ADAMTSL1: variants seen among roughly 807,000 people sequenced by gnomAD.
The protein encoded by ADAMTSL1 is ADAMTS like 1, also known as ADAMTS-like protein 1.
In ADAMTSL1, 126 loss-of-function variants were observed where a neutral mutation model predicts 201.8. The ratio of observed to expected loss-of-function variants is 0.62; its 90% CI spans 0.54 to 0.72. The LOEUF (loss-of-function observed/expected upper bound fraction) is 0.72, where lower values mean the gene tolerates loss of function less well. Ranked by LOEUF, ADAMTSL1 falls within the 30% of genes least tolerant of loss-of-function variation. ADAMTSL1 has a pLI of 0.00. For missense variants in ADAMTSL1, 2,679 were observed against 2,277.8 expected (o/e 1.18, Z -3.59); for synonymous variants, 1,121 against 903.4 (o/e 1.24, Z -4.32).
At chr9:18,839,303 A>G (rs1188604440) in intron 23 of ADAMTSL1, among the ~76,000 whole-genome samples, 3 of 150,780 alleles carry the variant, frequency 2.0e-5, no homozygotes, top group Non-Finnish European at 4.4e-5. Flanking sequence ...TTGTCTTTAC[A>G]ATAGTTTACT....
At chr9:18,854,009 G>A (rs1826687608) in intron 23 of ADAMTSL1, among the ~76,000 whole-genome samples, 1 of 152,008 alleles carries the variant, frequency 6.6e-6, no homozygotes, top group Admixed American at 6.6e-5. Context: ...GGAGGTGGGG[G>A]GGTTGTAATC....
intron 2 of ADAMTSL1, among the ~76,000 whole-genome samples, chr9:18,411,046 T>C (rs1290776295): frequency 3.3e-5 from 5 of 151,156 alleles, no homozygotes; most frequent in African/African-American, 1.2e-4. Flanking sequence ...TGTATTTTAA[T>C]AGAAATGGCG....
intron 2 of ADAMTSL1, among the ~76,000 whole-genome samples, chr9:18,431,734 C>T (rs1819500798): frequency 6.6e-6 from 1 of 152,124 alleles, no homozygotes; most frequent in African/African-American, 2.4e-5. Context: ...CAGCCCCATT[C>T]TCCTAACTTT....
At chr9:18,020,190 G>T (rs1195958017) in intron 1 of ADAMTSL1, among the ~76,000 whole-genome samples, 1 of 152,026 alleles carries the variant, frequency 6.6e-6, no homozygotes, top group Non-Finnish European at 1.5e-5. Flanking sequence ...ATGTGTGAAG[G>T]ATGTGAATCA....
chr9:18,337,476 G>C (rs1437180207), intron 2 of ADAMTSL1, among the ~76,000 whole-genome samples: 1 of 152,080 alleles, frequency 6.6e-6, no homozygotes, highest in Non-Finnish European at 1.5e-5. Context: ...TGTCCTTCTA[G>C]AGAACCCTGA....
At chr9:18,016,277 C>T (rs1334430553) in intron 1 of ADAMTSL1, among the ~76,000 whole-genome samples, 1 of 152,068 alleles carries the variant, frequency 6.6e-6, no homozygotes, top group Non-Finnish European at 1.5e-5. Flanking sequence ...GCTGTCCTTA[C>T]AGTCTCTTAA....
chr9:18,612,548 C>T (rs772305994), intron 4 of ADAMTSL1, among the ~76,000 whole-genome samples: 9 of 152,072 alleles, frequency 5.9e-5, no homozygotes, highest in Non-Finnish European at 1.2e-4. Context: ...ATCAATGGAA[C>T]AGAATAGAGA....
At chr9:18,789,838 G>A (rs1821921118) in intron 19 of ADAMTSL1, among the ~76,000 whole-genome samples, 1 of 152,112 alleles carries the variant, frequency 6.6e-6, no homozygotes, top group Non-Finnish European at 1.5e-5. Flanking sequence ...GTTTGTATTG[G>A]GATGTGGGGC....
chr9:18,525,786 T>C (rs1466209091), intron 2 of ADAMTSL1, among the ~76,000 whole-genome samples: 4 of 152,226 alleles, frequency 2.6e-5, no homozygotes, highest in Non-Finnish European at 4.4e-5. Context: ...AGGTCTAGTT[T>C]GATAGCACTG....
intron 1 of ADAMTSL1, among the ~76,000 whole-genome samples, chr9:18,479,246 G>A (rs1821607274): frequency 6.6e-6 from 1 of 152,200 alleles, no homozygotes; most frequent in Non-Finnish European, 1.5e-5. Flanking sequence ...AGCATGGAGG[G>A]CAGTTAGTTA....
At chr9:18,514,303 T>TAGAATTGC (rs1818224941) in intron 2 of ADAMTSL1, among the ~76,000 whole-genome samples, 1 of 151,380 alleles carries the variant, frequency 6.6e-6, no homozygotes, top group Non-Finnish European at 1.5e-5. Context: ...TATTAGTGTG[T>TAGAATTGC]AGAATTGCAA....
rs1825315784 is a variant in ADAMTSL1, at chr9:18,610,760, C to G, written c.475-11483C>G. Reference sequence around the variant, plus strand: ...TGTTTGGGGACATAGATAAATCCCTCTTCACCTTTCCTTTTCCATCCTCTC... The same window carrying G: ...TGTTTGGGGACATAGATAAATCCCTGTTCACCTTTCCTTTTCCATCCTCTC... On this transcript the variant is annotated intron_variant, in intron 4 of 28. Transcript: ENST00000380548. 1.3e-5 allele frequency among the ~76,000 whole-genome samples: 2 copies of G among 152,126 alleles called. 1 individual carries two copies. The highest frequency in any genetic ancestry group is 4.2e-4 in the South Asian group (2 of 4,814).
chr9:18,500,226 G>A (rs1162053802), intron 1 of ADAMTSL1, among the ~76,000 whole-genome samples: 1 of 152,230 alleles, frequency 6.6e-6, no homozygotes, highest in African/African-American at 2.4e-5. Context: ...GCTGCAATTG[G>A]CTCTGGAATT....
At chr9:18,780,628 A>T (rs1294639882) in intron 19 of ADAMTSL1, among the ~76,000 whole-genome samples, 2 of 152,224 alleles carry the variant, frequency 1.3e-5, no homozygotes. Context: ...AGAGGCTATC[A>T]TTCTTAATAA....
chr9:18,745,377 A>G (rs1819078509), intron 15 of ADAMTSL1, among the ~76,000 whole-genome samples: 1 of 152,222 alleles, frequency 6.6e-6, no homozygotes, highest in Non-Finnish European at 1.5e-5. Flanking sequence ...TGTCCCAGAC[A>G]GGACCAGCAA....
chr9:17,938,942 A>G (rs1411109287), intron 1 of ADAMTSL1, among the ~76,000 whole-genome samples: 3 of 152,176 alleles, frequency 2.0e-5, no homozygotes, highest in Non-Finnish European at 4.4e-5. Context: ...GTCATTAAGC[A>G]GCTTCTCTGC....
intron 1 of ADAMTSL1, among the ~76,000 whole-genome samples, chr9:18,102,867 A>G (rs1348514301): frequency 6.6e-6 from 1 of 152,220 alleles, no homozygotes; most frequent in Non-Finnish European, 1.5e-5. Flanking sequence ...TTGAATAATC[A>G]GAGCTAGAAG....
chr9:18,617,435 G>A (rs1825761617), intron 4 of ADAMTSL1, among the ~76,000 whole-genome samples: 1 of 142,668 alleles, frequency 7.0e-6, no homozygotes, highest in African/African-American at 2.6e-5. Flanking sequence ...AAATCTGCAC[G>A]ACATACTAAG....
intron 2 of ADAMTSL1, among the ~76,000 whole-genome samples, chr9:18,418,582 C>T (rs1329097371): frequency 6.6e-6 from 1 of 151,746 alleles, no homozygotes; most frequent in African/African-American, 2.4e-5. Flanking sequence ...AATTAAAAAC[C>T]AATACTATTT....
Sources: allele counts gnomAD v4.1 joint callset (sites outside exome capture counted in the v4.1 genomes callset), GRCh38; gene constraint gnomAD v4.1.1; transcripts MANE v1.5; gene names NCBI Gene and HGNC (gene_info 2026-07-23, HGNC 2026-07-21).